The following HADHA variants were observed in gnomAD, a reference collection of about 807,000 sequenced individuals.
HADHA encodes hydroxyacyl-CoA dehydrogenase trifunctional multienzyme complex subunit alpha, also known as trifunctional enzyme subunit alpha, mitochondrial.
Under a neutral mutation model 91.3 loss-of-function variants are expected in HADHA, and 59 were observed. The ratio of observed to expected loss-of-function variants is 0.65; its 90% CI spans 0.52 to 0.80. HADHA has a LOEUF of 0.80. Ranked by LOEUF, HADHA falls within the 30% of genes least tolerant of loss-of-function variation. The probability of loss-of-function intolerance (pLI) is 0.00; values close to 1 mark genes in which losing one functional copy is unlikely to be tolerated. For missense variants in HADHA, 800 were observed against 927.6 expected (o/e 0.86, Z 1.79); for synonymous variants, 320 against 338.9 (o/e 0.94, Z 0.61).
chr2:26,205,880 A>G (rs1669959654), intron 11 of HADHA, among the ~76,000 whole-genome samples: 1 of 152,176 alleles, frequency 6.6e-6, no homozygotes, highest in African/African-American at 2.4e-5. Context: ...TTTGTGACAT[A>G]TACAGCAGAC....
At chr2:26,195,271 C>A in intron 14 of HADHA, 39 bp from the exon 15 acceptor site, 1 of 1,579,046 alleles carries the variant, frequency 6.3e-7, no homozygotes, top group Non-Finnish European at 8.7e-7. Flanking sequence ...TCGGAGAATG[C>A]GGGTGAGGAA....
chr2:26,220,244 C>T (rs552533894), intron 7 of HADHA, among the ~76,000 whole-genome samples: 10 of 152,234 alleles, frequency 6.6e-5, no homozygotes, highest in Middle Eastern at 3.4e-3. Flanking sequence ...GCCCATCCTG[C>T]GGTTATTTTC....
In HADHA at chr2:26,214,420, T is replaced by C. The variant is rs755779778; in HGVS notation, c.918+23A>G. The C allele has an allele frequency of 2.6e-5, 27 of 1,050,434 alleles. No individual in the cohort carries two copies. Among genetic ancestry groups the C allele is most frequent in the Non-Finnish European group, 3.3e-5 (22 of 666,460 alleles). 65.1% of individuals were successfully genotyped at this position (1,050,434 alleles called of 1,614,324 possible). A position where few individuals can be genotyped will look rare whatever the true frequency, so the allele number is the denominator to read the frequency against. On this transcript the variant is annotated intron_variant, in intron 9 of 19. Transcript: ENST00000380649. The surrounding 1 kb of genome is among the most constrained non-coding windows in gnomAD (Gnocchi z 4.1). ...ATAAAGGAAGGAAATATGAGAAAAG[T>C]GGGAATATTGGGTAAGACTCACATC... is the stretch of plus-strand genomic sequence containing the variant.
At chr2:26,242,068 A>G (rs1015134528) in intron 1 of HADHA, among the ~76,000 whole-genome samples, 1 of 152,044 alleles carries the variant, frequency 6.6e-6, no homozygotes, top group African/African-American at 2.4e-5. Flanking sequence ...CACCTGGCCA[A>G]TTCTGGTATT....
intron 7 of HADHA, among the ~76,000 whole-genome samples, chr2:26,217,611 AG>A (rs1201206388): frequency 1.3e-5 from 2 of 152,198 alleles, no homozygotes; most frequent in Non-Finnish European, 2.9e-5. Flanking sequence ...TATAAAGAAA[AG>A]AATGACAGCT....
intron 7 of HADHA, among the ~76,000 whole-genome samples, chr2:26,223,344 A>T (rs1670418349): frequency 6.6e-6 from 1 of 152,312 alleles, no homozygotes; most frequent in East Asian, 1.9e-4. Context: ...GGTGTCCCTT[A>T]GTACTAACAT....
chr2:26,217,438 C>T (rs1197987371), intron 7 of HADHA, among the ~76,000 whole-genome samples: 1 of 152,072 alleles, frequency 6.6e-6, no homozygotes, highest in Non-Finnish European at 1.5e-5. Flanking sequence ...TTTACGAAAA[C>T]TATAAGCCCA....
At chr2:26,201,407 T>G (rs1669831524) in intron 12 of HADHA, 87 bp from the exon 13 acceptor site, 1 of 885,508 alleles carries the variant, frequency 1.1e-6, no homozygotes, top group African/African-American at 1.7e-5. Context: ...ACCTGTGTTT[T>G]TCACCAACTC....
chr2:26,222,562 ATCACTGCT>A (rs1264575758), intron 7 of HADHA, among the ~76,000 whole-genome samples: 1 of 152,240 alleles, frequency 6.6e-6, no homozygotes, highest in Non-Finnish European at 1.5e-5. Context: ...AGTCACTCTT[ATCACTGCT>A]TCATGAACAG....
At chr2:26,204,770 A>C (rs972220029) in intron 11 of HADHA, among the ~76,000 whole-genome samples, 14 of 152,064 alleles carry the variant, frequency 9.2e-5, no homozygotes, top group Admixed American at 7.2e-4. Flanking sequence ...TTTTTTGTAG[A>C]TAGGGTCTCA....
Position 26,193,787 on chromosome 2 carries a change from A to G in HADHA, c.1690-15T>C. The G allele has an allele frequency of 1.2e-6, 2 of 1,608,904 alleles. 1 individual carries two copies. The highest frequency in any genetic ancestry group is 1.7e-6 in the Non-Finnish European group (2 of 1,175,168). On this transcript the variant is annotated splice_polypyrimidine_tract_variant and intron_variant, in intron 16 of 19. Coordinates refer to ENST00000380649, the MANE Select transcript of HADHA (RefSeq NM_000182.5). The stretch of plus-strand genomic sequence containing the variant: ...TCAACTCCTTCCTGAACAGGAAGCG[A>G]TGCAGGGACCTCAGGGGAAGGGCAG...
intron 4 of HADHA, among the ~76,000 whole-genome samples, chr2:26,235,745 T>A (rs1248712211): frequency 6.6e-6 from 1 of 152,318 alleles, no homozygotes; most frequent in African/African-American, 2.4e-5. Flanking sequence ...ACAAAGAACA[T>A]AACAAATACC....
At chr2:26,196,403 G>A (rs1284814516) in intron 14 of HADHA, among the ~76,000 whole-genome samples, 1 of 152,138 alleles carries the variant, frequency 6.6e-6, no homozygotes, top group Non-Finnish European at 1.5e-5. Flanking sequence ...TATTGATGTA[G>A]AATTTCTATA....
intron 9 of HADHA, 48 bp from the exon 10 acceptor site, chr2:26,212,674 G>A (rs1326298916): frequency 8.2e-7 from 1 of 1,213,372 alleles, no homozygotes; most frequent in East Asian, 2.3e-5. Flanking sequence ...AGATTGGCGA[G>A]ATGTACAATA....
chr2:26,191,879 CTT>C (rs991352957), intron 18 of HADHA, among the ~76,000 whole-genome samples: 10 of 152,336 alleles, frequency 6.6e-5, no homozygotes, highest in African/African-American at 2.2e-4. Flanking sequence ...ATCAGTATCT[CTT>C]TGACATCAGC....
intron 1 of HADHA, among the ~76,000 whole-genome samples, chr2:26,244,305 G>A (rs1671015590): frequency 6.6e-6 from 1 of 152,392 alleles, no homozygotes; most frequent in South Asian, 2.1e-4. Flanking sequence ...GACTCAGAAA[G>A]TTGGGGAGTT....
At chr2:26,201,769 G>A (rs891615079) in intron 12 of HADHA, among the ~76,000 whole-genome samples, 3 of 151,568 alleles carry the variant, frequency 2.0e-5, no homozygotes, top group Non-Finnish European at 2.9e-5. Context: ...ATAATTTTAT[G>A]TTATTCTGTA....
At chr2:26,211,117 T>G (rs1670089824) in intron 10 of HADHA, among the ~76,000 whole-genome samples, 1 of 152,168 alleles carries the variant, frequency 6.6e-6, no homozygotes, top group Non-Finnish European at 1.5e-5. Flanking sequence ...GGTCAGAAAT[T>G]TAGTGGGTGC....
Position 26,236,970 on chromosome 2 carries a change from C to G in HADHA, c.199G>C (p.Glu67Gln), listed in dbSNP as rs781303622. The G allele has an allele frequency of 4.3e-6, 7 of 1,610,026 alleles. No homozygotes were observed. In the Admixed American group the frequency reaches 1.0e-4, roughly 23 times the overall value. ...PNSKVNTLSK[E>Q]LHSEFSEVMN... ...ACTTCTGAGAACTCTGAATGTAGCT[C>G]TTTACTCAGTGTATTTACCTGCCAA... Residue 67 changes from glutamate to glutamine, a missense_variant, in exon 4 of 20, where the codon GAG becomes CAG. Physicochemically the swap from Glu to Gln is conservative, Grantham distance 29 (BLOSUM62 2). Transcript: ENST00000380649.
Sources: allele counts gnomAD v4.1 joint callset (sites outside exome capture counted in the v4.1 genomes callset), GRCh38; gene constraint gnomAD v4.1.1; non-coding constraint Gnocchi (gnomAD v3.1); transcripts MANE v1.5; gene names NCBI Gene and HGNC (gene_info 2026-07-23, HGNC 2026-07-21).